GOLIM4: variants seen among roughly 807,000 people sequenced by gnomAD.
GOLIM4 encodes the protein 130 kDa golgi-localized phosphoprotein.
In GOLIM4, 71 loss-of-function variants were observed where a neutral mutation model predicts 107.4. The observed-to-expected ratio is 0.66, with a 90% CI of 0.55 to 0.81. The LOEUF (loss-of-function observed/expected upper bound fraction) is 0.81, where lower values mean the gene tolerates loss of function less well. Among genes scored for constraint, GOLIM4 ranks in the 30% least tolerant of loss-of-function variants. The pLI is 0.00. For synonymous variants in GOLIM4, 327 were observed against 294.8 expected (o/e 1.11, Z -1.12); for missense variants, 830 against 826.1 (o/e 1.00, Z -0.06).
chr3:168,011,044 A>C (rs1716983477), intron 14 of GOLIM4, among the ~76,000 whole-genome samples: 1 of 152,244 alleles, frequency 6.6e-6, no homozygotes, highest in Non-Finnish European at 1.5e-5. Flanking sequence ...GGAGGAGCCA[A>C]GATGGCCGAA....
intron 7 of GOLIM4, among the ~76,000 whole-genome samples, chr3:168,038,702 G>T (rs1718797253): frequency 6.6e-6 from 1 of 152,234 alleles, no homozygotes; most frequent in Admixed American, 6.5e-5. Flanking sequence ...TGATTTACAT[G>T]AGAAATGCAG....
In GOLIM4 at chr3:168,025,000, C is replaced by A. The variant is rs754054604; in HGVS notation, c.1719G>T (p.Leu573Phe). The change falls in exon 13 of 16, where the codon TTG becomes TTT. Residue 573 changes from leucine to phenylalanine, a missense_variant. Coordinates refer to ENST00000470487, the MANE Select transcript of GOLIM4 (RefSeq NM_014498.5). Reference protein sequence around the residue: ...EEAEQVREENLPDENEEQKQS... With the variant: ...EEAEQVREENFPDENEEQKQS... ...GTTTTTGCTCTTCATTTTCATCTGG[C>A]AAATTTTCTTCTCTCACTTGCTCGG... The A allele has an allele frequency of 5.0e-6, 8 of 1,613,884 alleles. No homozygotes were observed. The East Asian group carries it at 1.3e-4, about 27-fold the overall frequency.
intron 1 of GOLIM4, among the ~76,000 whole-genome samples, chr3:168,064,162 T>C (rs1720423577): frequency 6.6e-6 from 1 of 152,210 alleles, no homozygotes; most frequent in South Asian, 2.1e-4. Context: ...TCCTATGGGA[T>C]ATTCTCCCAC....
At chr3:168,054,318 C>G (rs1476469360) in intron 1 of GOLIM4, among the ~76,000 whole-genome samples, 3 of 152,196 alleles carry the variant, frequency 2.0e-5, no homozygotes, top group Non-Finnish European at 4.4e-5. Flanking sequence ...GGGCCTTACC[C>G]CATCGTTCAT....
chr3:168,047,748 T>C (rs1719396023), intron 2 of GOLIM4, among the ~76,000 whole-genome samples: 1 of 152,230 alleles, frequency 6.6e-6, no homozygotes, highest in African/African-American at 2.4e-5. Flanking sequence ...ATTGACAGCA[T>C]TGCCCAGTGG....
At chr3:168,068,288 T>C (rs1720651455) in intron 1 of GOLIM4, among the ~76,000 whole-genome samples, 1 of 152,122 alleles carries the variant, frequency 6.6e-6, no homozygotes, top group Non-Finnish European at 1.5e-5. Flanking sequence ...CCATTCCCTA[T>C]TGTGACGAAA....
intron 14 of GOLIM4, among the ~76,000 whole-genome samples, chr3:168,022,698 G>A (rs1717775067): frequency 1.3e-5 from 2 of 152,138 alleles, no homozygotes; most frequent in Non-Finnish European, 2.9e-5. Context: ...ACACTGGGAA[G>A]AAAAAAAGGC....
intron 14 of GOLIM4, among the ~76,000 whole-genome samples, chr3:168,017,250 G>C (rs573400990): frequency 8.5e-4 from 130 of 152,138 alleles, no homozygotes; most frequent in African/African-American, 3.0e-3. Context: ...CACTTTGTGG[G>C]ACTGAGGCAA....
Position 168,029,839 on chromosome 3 carries a change from C to A in GOLIM4, c.1374G>T (p.Met458Ile), listed in dbSNP as rs1718210761. ...CAAGCTCAGCCTGCCTCTGCAGGGC[C>A]ATCTCTCTTGCCACCTGCTGCTGCT... The part of the protein sequence containing the change: ...EQQQQQVARE[M>I]ALQRQAELEE... Residue 458 changes from methionine to isoleucine, a missense_variant, in exon 10 of 16, where the codon ATG (methionine) becomes ATT (isoleucine). Coordinates refer to ENST00000470487, the MANE Select transcript of GOLIM4 (RefSeq NM_014498.5). The A allele has an allele frequency of 1.2e-6, 2 of 1,614,142 alleles. No homozygotes were observed. The highest frequency in any genetic ancestry group is 3.3e-4 in the Middle Eastern group (2 of 6,032).
rs1371644519 is a variant in GOLIM4 at position 168,015,854 on chromosome 3, C to T, written c.1861-5031G>A. Among the ~76,000 whole-genome samples, 6 of 132,126 alleles carry T rather than the reference C, an allele frequency of 4.5e-5. 1 individual carries two copies. The highest frequency in any genetic ancestry group is 8.5e-5 in the African/African-American group (2 of 23,418). 86.7% of individuals were successfully genotyped at this position (132,126 alleles called of 152,430 possible). On this transcript the variant is annotated intron_variant, in intron 14 of 15. Transcript: ENST00000470487. ...GCTAGCCATATGTAGAAAGCTGAAA[C>T]TGGATCACTTCCTTACACCTTATAC...
At chr3:168,054,311 C>T (rs1719816041) in intron 1 of GOLIM4, among the ~76,000 whole-genome samples, 1 of 152,202 alleles carries the variant, frequency 6.6e-6, no homozygotes, top group South Asian at 2.1e-4. Flanking sequence ...CCTCACAGGG[C>T]CTTACCCCAT....
At chr3:168,032,947 A>C in intron 8 of GOLIM4, 95 bp from the exon 9 acceptor site, 1 of 917,046 alleles carries the variant, frequency 1.1e-6, no homozygotes, top group South Asian at 1.6e-5. Flanking sequence ...ATGGGGCTAC[A>C]ACAGAAGAAG....
At chr3:168,088,520 G>T (rs1427815375) in intron 1 of GOLIM4, among the ~76,000 whole-genome samples, 2 of 152,154 alleles carry the variant, frequency 1.3e-5, no homozygotes, top group African/African-American at 4.8e-5. Flanking sequence ...GTTCAGAGAG[G>T]TTATTTGCCT....
chr3:168,095,062 A>G, intron 1 of GOLIM4, 37 bp downstream of exon 1: 12 of 1,541,858 alleles, frequency 7.8e-6, no homozygotes, highest in Non-Finnish European at 1.1e-5. Context: ...CGCGGGGCAA[A>G]GTTGGCCACC....
At chr3:168,085,477 T>C (rs1454514217) in intron 1 of GOLIM4, among the ~76,000 whole-genome samples, 2 of 152,146 alleles carry the variant, frequency 1.3e-5, no homozygotes, top group African/African-American at 4.8e-5. Context: ...ATGGAGAAAA[T>C]TCAAAGAAGT....
chr3:168,071,978 G>A (rs755164544), intron 1 of GOLIM4, among the ~76,000 whole-genome samples: 8 of 152,050 alleles, frequency 5.3e-5, no homozygotes, highest in African/African-American at 9.7e-5. Context: ...GCTTCTGGGC[G>A]TCAAATCTCG....
intron 1 of GOLIM4, among the ~76,000 whole-genome samples, chr3:168,082,182 T>C (rs1197977066): frequency 6.6e-6 from 1 of 152,086 alleles, no homozygotes; most frequent in Non-Finnish European, 1.5e-5. Context: ...TTGACATATA[T>C]CTTCAGGACG....
intron 1 of GOLIM4, among the ~76,000 whole-genome samples, chr3:168,076,842 GTTT>G (rs1206115789): frequency 6.6e-6 from 1 of 152,206 alleles, no homozygotes; most frequent in Non-Finnish European, 1.5e-5. Flanking sequence ...CAGTATGAAA[GTTT>G]TTAACAGACT....
chr3:168,040,972 T>G (rs1718963868), intron 6 of GOLIM4, 103 bp from the exon 7 acceptor site: 1 of 739,866 alleles, frequency 1.4e-6, no homozygotes, highest in Admixed American at 2.0e-5. Flanking sequence ...GCTTGTTTAT[T>G]TGTTGTTGTA....
Sources: allele counts gnomAD v4.1 joint callset (sites outside exome capture counted in the v4.1 genomes callset), GRCh38; gene constraint gnomAD v4.1.1; transcripts MANE v1.5; gene names NCBI Gene and HGNC (gene_info 2026-07-23, HGNC 2026-07-21).